Variants in DAB1 observed in about 807,000 individuals in gnomAD.
DAB1 encodes the protein DAB adaptor protein 1.
A neutral mutation model predicts 64.6 loss-of-function variants in DAB1; 15 were observed. The observed-to-expected ratio is 0.23, with a 90% CI of 0.16 to 0.36. The LOEUF (loss-of-function observed/expected upper bound fraction) is 0.36. Ranked by LOEUF, DAB1 falls within the 10% of genes least tolerant of loss-of-function variation. The probability of loss-of-function intolerance (pLI) is 1.00; values close to 1 mark genes in which losing one functional copy is unlikely to be tolerated. For missense variants in DAB1, 596 were observed against 706.7 expected, an observed-to-expected ratio of 0.84 and a Z score of 1.78; for synonymous variants, 235 against 251.9, an observed-to-expected ratio of 0.93 and a Z score of 0.64.
chr1:57,881,279 A>C (rs1644139588), intron 1 of DAB1, among the ~76,000 whole-genome samples: 1 of 152,228 alleles, frequency 6.6e-6, no homozygotes, highest in African/African-American at 2.4e-5. Flanking sequence ...AGAATCAGGC[A>C]CAACAATATT....
chr1:58,251,115 A>C (rs773208842), intron 4 of DAB1, among the ~76,000 whole-genome samples: 1 of 152,246 alleles, frequency 6.6e-6, no homozygotes, highest in Non-Finnish European at 1.5e-5. Flanking sequence ...AATTGTGAGA[A>C]TCACATGAGA....
intron 7 of DAB1, among the ~76,000 whole-genome samples, chr1:57,553,926 G>GA (rs1644957401): frequency 6.6e-6 from 1 of 152,022 alleles, no homozygotes; most frequent in Non-Finnish European, 1.5e-5. Flanking sequence ...GCAATGTTAG[G>GA]AATCTCAGCT....
At chr1:58,324,963 A>G (rs1662788387) in intron 4 of DAB1, among the ~76,000 whole-genome samples, 1 of 152,228 alleles carries the variant, frequency 6.6e-6, no homozygotes, top group South Asian at 2.1e-4. Flanking sequence ...CAACATGACT[A>G]ACCAACTTGT....
At chr1:57,180,172 A>G (rs1317476891) in intron 2 of DAB1, among the ~76,000 whole-genome samples, 4 of 152,320 alleles carry the variant, frequency 2.6e-5, no homozygotes, top group East Asian at 3.9e-4. Flanking sequence ...CTTAGGTGAG[A>G]GGACACAGAA....
intron 4 of DAB1, among the ~76,000 whole-genome samples, chr1:57,109,913 T>C (rs1432763123): frequency 6.6e-6 from 1 of 152,318 alleles, no homozygotes; most frequent in Non-Finnish European, 1.5e-5. Context: ...CTTTAAATCA[T>C]GGCTAGATCA....
intron 2 of DAB1, among the ~76,000 whole-genome samples, chr1:57,217,426 G>A (rs143986633): frequency 3.3e-5 from 5 of 151,916 alleles, no homozygotes; most frequent in South Asian, 4.2e-4. Context: ...TGTCCTTATC[G>A]GTCCAAAAAT....
At chr1:57,545,344 CTTTACTAGT>C (rs1419475886) in intron 7 of DAB1, among the ~76,000 whole-genome samples, 1 of 152,144 alleles carries the variant, frequency 6.6e-6, no homozygotes, top group African/African-American at 2.4e-5. Flanking sequence ...TCTTTTATTC[CTTTACTAGT>C]TTTATAATCT....
At chr1:57,197,792 T>G (rs946464343) in intron 2 of DAB1, among the ~76,000 whole-genome samples, 1 of 152,242 alleles carries the variant, frequency 6.6e-6, no homozygotes, top group East Asian at 1.9e-4. Flanking sequence ...GACAAAACAT[T>G]TGTTTAATTT....
At chr1:57,564,881 T>C (rs1343853454) in intron 7 of DAB1, among the ~76,000 whole-genome samples, 2 of 152,048 alleles carry the variant, frequency 1.3e-5, no homozygotes, top group African/African-American at 2.4e-5. Context: ...CTTCCCCAAC[T>C]TAGCAAGGCA....
intron 4 of DAB1, among the ~76,000 whole-genome samples, chr1:58,283,790 C>T (rs1661620161): frequency 6.6e-6 from 1 of 152,210 alleles, no homozygotes; most frequent in Non-Finnish European, 1.5e-5. Context: ...CATCTTCCAG[C>T]TCATTTTGGA....
intron 5 of DAB1, among the ~76,000 whole-genome samples, chr1:57,942,340 G>A (rs1645118235): frequency 6.6e-6 from 1 of 152,208 alleles, no homozygotes; most frequent in Admixed American, 6.5e-5. Context: ...CCAAACCATT[G>A]AGAAGCTCTT....
At chr1:58,237,835 T>G (rs1660115421) in intron 4 of DAB1, among the ~76,000 whole-genome samples, 2 of 152,360 alleles carry the variant, frequency 1.3e-5, no homozygotes, top group African/African-American at 4.8e-5. Context: ...AGTAGACTGG[T>G]GATCATTACC....
intron 3 of DAB1, among the ~76,000 whole-genome samples, chr1:58,347,923 C>G (rs576582100): frequency 1.3e-5 from 2 of 152,308 alleles, no homozygotes; most frequent in African/African-American, 4.8e-5. Context: ...GCAGCCTTAC[C>G]ACTAACTCCG....
At chr1:57,641,923 C>T (rs1420098426) in intron 7 of DAB1, among the ~76,000 whole-genome samples, 1 of 152,120 alleles carries the variant, frequency 6.6e-6, no homozygotes, top group Admixed American at 6.6e-5. Flanking sequence ...TCACAAATTT[C>T]ATCCACATAG....
intron 2 of DAB1, among the ~76,000 whole-genome samples, chr1:57,231,665 ACTTAGAGAT>A (rs1443795931): frequency 2.6e-5 from 4 of 152,232 alleles, no homozygotes. Flanking sequence ...AGAAACTGTT[ACTTAGAGAT>A]AAATCATCCT....
rs199629773 is a variant in DAB1 at position 57,478,201 on chromosome 1, CTG to C, written n.625+171389_625+171390del. Among the ~76,000 whole-genome samples, 10 of 152,262 alleles carry C rather than the reference CTG, an allele frequency of 6.6e-5. No homozygotes were observed. The East Asian group carries it at 1.2e-3, about 18-fold the overall frequency. ...AGGGCTGCACTAGTAAATGCGCTAA[CTG>C]TAAGCATTCAGTAGTTACAGAATTA... On this transcript the variant is annotated intron_variant and non_coding_transcript_variant, in intron 7 of 20. Transcript: ENST00000485760.
chr1:58,084,478 G>T, intron 5 of DAB1: 1 of 165,068 alleles, frequency 6.1e-6, no homozygotes, highest in South Asian at 1.8e-4. Context: ...AAGGTCTGAT[G>T]AGTCATGTCC....
intron 2 of DAB1, among the ~76,000 whole-genome samples, chr1:58,512,829 C>T (rs1448046684): frequency 6.6e-6 from 1 of 152,082 alleles, no homozygotes; most frequent in Non-Finnish European, 1.5e-5. Context: ...ATCTGATATA[C>T]AGCATGTGCC....
intron 1 of DAB1, among the ~76,000 whole-genome samples, chr1:57,379,670 G>A (rs967470855): frequency 3.9e-5 from 6 of 152,160 alleles, no homozygotes; most frequent in African/African-American, 1.2e-4. Flanking sequence ...CTGTTTGCTT[G>A]TTCACCAGCT....
Sources: gnomAD v4.1 joint callset for allele counts (sites outside exome capture counted in the v4.1 genomes callset) on GRCh38, gnomAD v4.1.1 for gene constraint, MANE v1.5 for transcripts, NCBI Gene and HGNC (gene_info 2026-07-23, HGNC 2026-07-21) for gene names.